The following EYA2 variants were observed in gnomAD, a reference collection of about 807,000 sequenced individuals.
The protein encoded by EYA2 is EYA transcriptional coactivator and phosphatase 2, also known as protein phosphatase EYA2.
A neutral mutation model predicts 69.2 loss-of-function variants in EYA2; 31 were observed. The ratio of observed to expected loss-of-function variants is 0.45; its 90% CI spans 0.34 to 0.60. EYA2 has a LOEUF of 0.60. EYA2 is among the 20% of genes least tolerant of loss of function. EYA2 has a pLI of 0.02. For missense variants in EYA2, 622 were observed against 701.2 expected, an observed-to-expected ratio of 0.89 and a Z score of 1.28; for synonymous variants, 257 against 279.4, an observed-to-expected ratio of 0.92 and a Z score of 0.80.
intron 2 of EYA2, among the ~76,000 whole-genome samples, chr20:46,996,847 G>A (rs1344597969): frequency 1.3e-5 from 2 of 151,984 alleles, no homozygotes; most frequent in Non-Finnish European, 2.9e-5. Flanking sequence ...ATTTTCCATG[G>A]CTGGAGCAGG....
chr20:47,072,346 C>A, intron 6 of EYA2, 94 bp downstream of exon 6: 1 of 1,230,612 alleles, frequency 8.1e-7, no homozygotes, highest in Non-Finnish European at 1.2e-6. Context: ...CACACACAAT[C>A]CCCATTGGGA....
chr20:47,004,903 A>T, intron 3 of EYA2, 39 bp from the exon 4 acceptor site: 4 of 1,614,048 alleles, frequency 2.5e-6, no homozygotes, highest in Non-Finnish European at 3.4e-6. Context: ...GGGGTGCCAG[A>T]CTGGGCCTGG....
At chr20:46,935,001 A>G (rs1204579206) in intron 1 of EYA2, among the ~76,000 whole-genome samples, 2 of 152,394 alleles carry the variant, frequency 1.3e-5, no homozygotes, top group Middle Eastern at 3.4e-3. Flanking sequence ...CCCTGATTAT[A>G]TTCTAATCAT....
intron 1 of EYA2, among the ~76,000 whole-genome samples, chr20:46,960,782 G>A (rs1438218132): frequency 1.3e-5 from 2 of 152,186 alleles, no homozygotes; most frequent in African/African-American, 4.8e-5. Context: ...TCACCGTCTG[G>A]CCGTTTACAG....
chr20:46,980,143 G>T (rs1307061646), intron 1 of EYA2, among the ~76,000 whole-genome samples: 1 of 152,164 alleles, frequency 6.6e-6, no homozygotes, highest in Non-Finnish European at 1.5e-5. Flanking sequence ...AGATCACCTG[G>T]TTGAGAATCC....
chr20:47,180,179 T>C (rs1215196068), intron 13 of EYA2, among the ~76,000 whole-genome samples: 1 of 149,116 alleles, frequency 6.7e-6, no homozygotes, highest in African/African-American at 2.5e-5. Flanking sequence ...ATTGCAGGTG[T>C]GCACCACCAC....
At position 47,049,545 on chromosome 20, in the gene EYA2, T is replaced by C. The variant is rs543014646; in HGVS notation, c.416-22640T>C. Among the ~76,000 whole-genome samples, 30 of 150,372 alleles carry C rather than the reference T, an allele frequency of 2.0e-4. No individual in the cohort carries two copies. In the South Asian group the frequency reaches 6.1e-3, roughly 31 times the overall value. ...CTGCAGATCTGGTTGTTTCAAAGAG[T>C]CTGGGACCTCCCCCTTTCCCTCTCT... On this transcript the variant is annotated intron_variant, in intron 5 of 15. Coordinates refer to ENST00000327619, the MANE Select transcript of EYA2 (RefSeq NM_005244.5).
intron 5 of EYA2, among the ~76,000 whole-genome samples, chr20:47,022,558 C>T (rs1983816854): frequency 6.6e-6 from 1 of 152,142 alleles, no homozygotes; most frequent in African/African-American, 2.4e-5. Flanking sequence ...AAGTGATCCG[C>T]CCACCTCAGC....
intron 1 of EYA2, among the ~76,000 whole-genome samples, chr20:46,897,529 G>A (rs1983873299): frequency 2.0e-5 from 3 of 152,224 alleles, no homozygotes; most frequent in South Asian, 2.1e-4. Flanking sequence ...CCAGCTCAGA[G>A]CGAGGACTCA....
Position 47,034,649 on chromosome 20 carries a change from T to C in EYA2, c.415+18352T>C, listed in dbSNP as rs188325434. ...CAAAGTTAAAAGGAAAACTGAGGAATGCCAGTAAGTCAACAGAATTGCCTG... is the reference window on the plus strand; with the variant it reads ...CAAAGTTAAAAGGAAAACTGAGGAACGCCAGTAAGTCAACAGAATTGCCTG... On this transcript the variant is annotated intron_variant, in intron 5 of 15. Coordinates refer to ENST00000327619, the MANE Select transcript of EYA2 (RefSeq NM_005244.5). 2.2e-3 allele frequency among the ~76,000 whole-genome samples: 331 copies of C among 152,320 alleles called. 1 individual carries two copies. Among genetic ancestry groups the C allele is most frequent in the African/African-American group, 7.7e-3 (321 of 41,566 alleles).
intron 10 of EYA2, among the ~76,000 whole-genome samples, chr20:47,148,058 C>CAAAAAAAAAAAAAAAA (rs1264883844): frequency 2.4e-5 from 2 of 82,838 alleles, no homozygotes; most frequent in African/African-American, 9.7e-5. Flanking sequence ...GACTCTGTCT[C>CAAAAAAAAAAAAAAAA]AAAAAAAAAA....
At chr20:47,078,186 AC>A (rs1212102652) in intron 7 of EYA2, among the ~76,000 whole-genome samples, 1 of 152,154 alleles carries the variant, frequency 6.6e-6, no homozygotes, top group Non-Finnish European at 1.5e-5. Flanking sequence ...GATGGTTTTT[AC>A]TGTGTGTCTA....
intron 1 of EYA2, among the ~76,000 whole-genome samples, chr20:46,962,167 T>C (rs573274620): frequency 6.6e-6 from 1 of 152,332 alleles, no homozygotes; most frequent in Admixed American, 6.5e-5. Flanking sequence ...TAGCTGGGAC[T>C]ATAGGCACAT....
Position 47,180,820 on chromosome 20 carries a change from A to C in EYA2, c.1319A>C (p.Asn440Thr), listed in dbSNP as rs2146672250. ...KALNLINSRP[N>T]CVNVLVTTTQ... is the part of the protein sequence containing the mutation. ...ACAGTCTCCTTTGTCCTTAGGCCCAACTGTGTCAATGTGCTGGTCACCACC... is the reference window on the plus strand; with the variant it reads ...ACAGTCTCCTTTGTCCTTAGGCCCACCTGTGTCAATGTGCTGGTCACCACC... Residue 440 changes from asparagine to threonine, a missense_variant, in exon 14 of 16, where the codon AAC becomes ACC. This residue lies in a region of EYA2 where 257 missense variants were observed against 351.5 expected (regional missense o/e 0.73). Coordinates refer to ENST00000327619, the MANE Select transcript of EYA2 (RefSeq NM_005244.5). 5 of 1,614,042 alleles carry C rather than the reference A, an allele frequency of 3.1e-6. 1 individual carries two copies. The South Asian group carries it at 4.4e-5, about 14-fold the overall frequency.
chr20:47,049,586 CG>C (rs2030217600), intron 5 of EYA2, among the ~76,000 whole-genome samples: 1 of 55,254 alleles, frequency 1.8e-5, no homozygotes, highest in African/African-American at 4.1e-5. Flanking sequence ...TCTGTCTCGT[CG>C]TGTGACACCC....
chr20:47,037,574 T>G (rs1984795856), intron 5 of EYA2, among the ~76,000 whole-genome samples: 1 of 152,214 alleles, frequency 6.6e-6, no homozygotes, highest in Non-Finnish European at 1.5e-5. Flanking sequence ...AATCAAGGCA[T>G]CAGCAGAGCT....
intron 1 of EYA2, among the ~76,000 whole-genome samples, chr20:46,948,917 A>G (rs1380742533): frequency 2.0e-5 from 3 of 152,136 alleles, no homozygotes; most frequent in Non-Finnish European, 4.4e-5. Flanking sequence ...TTCTTCATAT[A>G]TATTTATTAT....
At chr20:47,163,823 C>T (rs2034124754) in intron 10 of EYA2, among the ~76,000 whole-genome samples, 1 of 151,730 alleles carries the variant, frequency 6.6e-6, no homozygotes. Flanking sequence ...AGGTGTTTTC[C>T]AGTTTCTCAC....
At chr20:47,015,590 G>A (rs766304284) in intron 4 of EYA2, among the ~76,000 whole-genome samples, 5 of 152,086 alleles carry the variant, frequency 3.3e-5, no homozygotes, top group South Asian at 2.1e-4. Flanking sequence ...TACCAAGCTG[G>A]CAGGTAGCAT....
Sources: allele counts gnomAD v4.1 joint callset (sites outside exome capture counted in the v4.1 genomes callset), GRCh38; gene constraint gnomAD v4.1.1; regional missense constraint gnomAD v4.1.1; transcripts MANE v1.5; gene names NCBI Gene and HGNC (gene_info 2026-07-23, HGNC 2026-07-21).